The following TMTC2 variants were observed in gnomAD, a reference collection of about 807,000 sequenced individuals.
TMTC2 encodes the protein protein O-mannosyl-transferase TMTC2.
In TMTC2, 43 loss-of-function variants were observed where a neutral mutation model predicts 82.4. The ratio of observed to expected loss-of-function variants is 0.52; its 90% CI spans 0.41 to 0.67. TMTC2 has a LOEUF of 0.67. Ranked by LOEUF, TMTC2 falls within the 30% of genes least tolerant of loss-of-function variation. TMTC2 has a pLI of 0.00. For synonymous variants in TMTC2, 408 were observed against 381.9 expected (o/e 1.07, Z -0.80); for missense variants, 919 against 1,012.4 (o/e 0.91, Z 1.25).
chr12:82,979,416 T>A (rs1019942343), intron 7 of TMTC2, among the ~76,000 whole-genome samples: 23 of 151,850 alleles, frequency 1.5e-4, no homozygotes, highest in Middle Eastern at 3.4e-3. Flanking sequence ...TGATGACAAC[T>A]TATCACTGAG....
intron 8 of TMTC2, among the ~76,000 whole-genome samples, chr12:83,001,971 G>A (rs1035705011): frequency 2.6e-5 from 4 of 152,224 alleles, no homozygotes; most frequent in East Asian, 1.9e-4. Flanking sequence ...CCTGCTTTTC[G>A]TATCAGAATG....
At position 82,990,904 on chromosome 12, in the gene TMTC2, C is replaced by G. The variant is rs996509530; in HGVS notation, c.2070+4858C>G. 3.3e-5 allele frequency among the ~76,000 whole-genome samples: 5 copies of G among 151,974 alleles called. 1 individual carries two copies. The highest frequency in any genetic ancestry group is 7.4e-5 in the Non-Finnish European group (5 of 68,006). Reference sequence around the variant, plus strand: ...TCTTCAAGCTAGGTATTGCTTTAATCCTCAGTGATCTGTGCTGAAAAAAAA... The same window carrying G: ...TCTTCAAGCTAGGTATTGCTTTAATGCTCAGTGATCTGTGCTGAAAAAAAA... On this transcript the variant is annotated intron_variant, in intron 8 of 11. Transcript: ENST00000321196.
At chr12:82,998,800 A>G (rs1879787677) in intron 8 of TMTC2, among the ~76,000 whole-genome samples, 1 of 151,966 alleles carries the variant, frequency 6.6e-6, no homozygotes, top group Non-Finnish European at 1.5e-5. Context: ...TTCCAACATG[A>G]AAAAAAATAT....
At chr12:83,005,674 A>C (rs993985729) in intron 8 of TMTC2, among the ~76,000 whole-genome samples, 1 of 152,276 alleles carries the variant, frequency 6.6e-6, no homozygotes, top group East Asian at 1.9e-4. Context: ...TTTGAGATCG[A>C]GCACCAGCTG....
chr12:82,959,575 A>G (rs1877803858), intron 4 of TMTC2, among the ~76,000 whole-genome samples: 1 of 152,182 alleles, frequency 6.6e-6, no homozygotes, highest in Non-Finnish European at 1.5e-5. Context: ...CAATGAGAAA[A>G]GGATTTGCTG....
chr12:82,810,746 T>C (rs939850308), intron 1 of TMTC2, among the ~76,000 whole-genome samples: 1 of 152,128 alleles, frequency 6.6e-6, no homozygotes, highest in East Asian at 1.9e-4. Flanking sequence ...ATCATGGGGC[T>C]GTTTCCCTCA....
At chr12:82,769,035 C>T (rs1877140313) in intron 1 of TMTC2, among the ~76,000 whole-genome samples, 1 of 151,402 alleles carries the variant, frequency 6.6e-6, no homozygotes. Flanking sequence ...TGCAGGCAAG[C>T]AAATCCCAAA....
chr12:82,936,787 G>A (rs529662698), intron 4 of TMTC2, among the ~76,000 whole-genome samples: 1 of 152,200 alleles, frequency 6.6e-6, no homozygotes, highest in Non-Finnish European at 1.5e-5. Context: ...TAATGTTGAA[G>A]CATAGTGGTC....
chr12:82,938,900 G>T (rs1394438642), intron 4 of TMTC2, among the ~76,000 whole-genome samples: 1 of 152,112 alleles, frequency 6.6e-6, no homozygotes, highest in African/African-American at 2.4e-5. Flanking sequence ...TACGTTTTTG[G>T]TAAGCATTTA....
chr12:82,894,666 G>T (rs1006452286), intron 2 of TMTC2, among the ~76,000 whole-genome samples: 17 of 152,088 alleles, frequency 1.1e-4, no homozygotes, highest in African/African-American at 4.1e-4. Context: ...TAGATTTTTA[G>T]ATGTCACCTA....
intron 8 of TMTC2, among the ~76,000 whole-genome samples, chr12:82,997,348 GTA>G (rs370359828): frequency 0.05 from 1,021 of 20,290 alleles, 152 homozygotes; most frequent in Middle Eastern, 0.12. Context: ...GTGTGTGTGT[GTA>G]TATATATATA....
At chr12:82,697,586 C>T (rs138870987) in intron 1 of TMTC2, among the ~76,000 whole-genome samples, 7 of 152,258 alleles carry the variant, frequency 4.6e-5, no homozygotes, top group African/African-American at 7.2e-5. Context: ...TGTTCAACAA[C>T]GGCATCTTTA....
chr12:82,754,746 AAAAT>A (rs146355592), intron 1 of TMTC2, among the ~76,000 whole-genome samples: 114,069 of 151,478 alleles, frequency 0.75, 43,796 homozygotes, highest in East Asian at 0.99. Context: ...CAAAAAAATA[AAAAT>A]AAATAAATAA....
intron 1 of TMTC2, among the ~76,000 whole-genome samples, chr12:82,705,785 A>G (rs568809085): frequency 6.6e-6 from 1 of 152,250 alleles, no homozygotes; most frequent in African/African-American, 2.4e-5. Context: ...GGATCATGTT[A>G]GATATTGGGG....
intron 10 of TMTC2, among the ~76,000 whole-genome samples, chr12:83,053,076 A>G (rs1882412381): frequency 6.6e-6 from 1 of 152,166 alleles, no homozygotes. Context: ...TTTTCTTATC[A>G]GTTGAGAACA....
At chr12:82,812,565 G>A (rs1009963290) in intron 1 of TMTC2, among the ~76,000 whole-genome samples, 5 of 151,834 alleles carry the variant, frequency 3.3e-5, no homozygotes, top group African/African-American at 4.8e-5. Context: ...TTAAACTATT[G>A]GATATTTTCT....
intron 1 of TMTC2, among the ~76,000 whole-genome samples, chr12:82,833,163 T>C (rs1869841401): frequency 6.6e-6 from 1 of 152,218 alleles, no homozygotes; most frequent in African/African-American, 2.4e-5. Context: ...TTCTGGAGTG[T>C]TTTTTAATGA....
chr12:83,113,156 T>A (rs1884649219), intron 11 of TMTC2, among the ~76,000 whole-genome samples: 2 of 152,304 alleles, frequency 1.3e-5, no homozygotes, highest in South Asian at 4.1e-4. Flanking sequence ...ACTTCCTTGC[T>A]TCCTTTTTTA....
At chr12:82,722,484 G>A (rs921696621) in intron 1 of TMTC2, among the ~76,000 whole-genome samples, 8 of 132,918 alleles carry the variant, frequency 6.0e-5, no homozygotes, top group African/African-American at 1.4e-4. Context: ...GGAGAATGGC[G>A]TGAACCCGGG....
Sources: allele counts gnomAD v4.1 joint callset (sites outside exome capture counted in the v4.1 genomes callset), GRCh38; gene constraint gnomAD v4.1.1; transcripts MANE v1.5; gene names NCBI Gene and HGNC (gene_info 2026-07-23, HGNC 2026-07-21).